The following PTPRK variants were observed in gnomAD, a reference collection of about 807,000 sequenced individuals.
PTPRK encodes protein tyrosine phosphatase receptor type K.
In PTPRK, 75 loss-of-function variants were observed where a neutral mutation model predicts 178.0. The ratio of observed to expected loss-of-function variants is 0.42; its 90% confidence interval spans 0.35 to 0.51. PTPRK has a LOEUF of 0.51. Ranked by LOEUF, PTPRK falls within the 20% of genes least tolerant of loss-of-function variation. The pLI, the probability that PTPRK is intolerant of heterozygous loss-of-function variation, is 0.02. For missense variants in PTPRK, 1,441 were observed against 1,797.8 expected (o/e 0.80, Z 3.59); for synonymous variants, 637 against 620.6 (o/e 1.03, Z -0.39).
chr6:128,140,338 A>G (rs1174852842), intron 7 of PTPRK, among the ~76,000 whole-genome samples: 1 of 152,042 alleles, frequency 6.6e-6, no homozygotes, highest in Non-Finnish European at 1.5e-5. Context: ...ATATATAAAC[A>G]TTAATTTTTT....
intron 7 of PTPRK, among the ~76,000 whole-genome samples, chr6:128,112,612 C>T (rs1489170359): frequency 6.6e-6 from 1 of 152,116 alleles, no homozygotes; most frequent in Non-Finnish European, 1.5e-5. Context: ...GAGCTCTTGA[C>T]AGGTTGTCTG....
rs143619718 is a variant in PTPRK, at chr6:127,972,140, C to T, written c.4269+882G>A. ...CTTCAGATTTTGTCTCAGGAAGCAA[C>T]GCAACTCTTGTGCGAGCAATCCATG... On this transcript the variant is annotated intron_variant, in intron 29 of 29. Transcript: ENST00000368226. Among the ~76,000 whole-genome samples the T allele has an allele frequency of 1.9e-3, 287 of 152,288 alleles. 3 individuals carry two copies. Among genetic ancestry groups the T allele is most frequent in the African/African-American group, 6.5e-3 (269 of 41,556 alleles).
At chr6:128,331,210 A>C (rs1830229874) in intron 2 of PTPRK, among the ~76,000 whole-genome samples, 1 of 152,186 alleles carries the variant, frequency 6.6e-6, no homozygotes, top group South Asian at 2.1e-4. Flanking sequence ...TTGAAGTTGG[A>C]TGTTTTATAA....
chr6:128,438,621 A>G (rs559126888), intron 1 of PTPRK, among the ~76,000 whole-genome samples: 100 of 152,328 alleles, frequency 6.6e-4, no homozygotes, highest in African/African-American at 2.4e-3. Flanking sequence ...TGCACCTCAG[A>G]TGCAATGGAG....
chr6:128,262,094 T>G (rs1056499696), intron 3 of PTPRK, among the ~76,000 whole-genome samples: 2 of 152,302 alleles, frequency 1.3e-5, no homozygotes. Flanking sequence ...GCTGTATGGC[T>G]TGGTATTACA....
chr6:128,483,954 A>C (rs1852452757), intron 1 of PTPRK, among the ~76,000 whole-genome samples: 1 of 152,084 alleles, frequency 6.6e-6, no homozygotes, highest in Non-Finnish European at 1.5e-5. Flanking sequence ...GGATGTCCTA[A>C]TAATTTCCAG....
chr6:128,504,970 T>C (rs1856104658), intron 1 of PTPRK, among the ~76,000 whole-genome samples: 2 of 152,252 alleles, frequency 1.3e-5, no homozygotes, highest in East Asian at 1.9e-4. Flanking sequence ...CAAGTATACA[T>C]CCCTGCTTTT....
At chr6:128,298,112 A>G (rs1246076513) in intron 3 of PTPRK, among the ~76,000 whole-genome samples, 1 of 152,206 alleles carries the variant, frequency 6.6e-6, no homozygotes, top group African/African-American at 2.4e-5. Flanking sequence ...CCTCTAAGCA[A>G]ATAAACTAGA....
intron 5 of PTPRK, among the ~76,000 whole-genome samples, chr6:128,231,609 G>A (rs969177875): frequency 2.0e-5 from 3 of 152,112 alleles, no homozygotes; most frequent in African/African-American, 7.2e-5. Flanking sequence ...GTTTAAGTTG[G>A]CGACAAGCTT....
chr6:128,442,617 C>G (rs1357907389), intron 1 of PTPRK, among the ~76,000 whole-genome samples: 1 of 152,184 alleles, frequency 6.6e-6, no homozygotes, highest in Non-Finnish European at 1.5e-5. Flanking sequence ...AAACACCTAT[C>G]TCATTTCTCC....
At chr6:128,179,113 T>C (rs1052415848) in intron 7 of PTPRK, among the ~76,000 whole-genome samples, 9 of 151,928 alleles carry the variant, frequency 5.9e-5, no homozygotes, top group African/African-American at 2.2e-4. Context: ...ATCATTAATG[T>C]TTACGAGGAG....
chr6:128,178,368 T>C (rs1345226492), intron 7 of PTPRK, among the ~76,000 whole-genome samples: 1 of 151,830 alleles, frequency 6.6e-6, no homozygotes, highest in Non-Finnish European at 1.5e-5. Flanking sequence ...GTGAAATAAT[T>C]AAACATCTCA....
Position 128,067,776 on chromosome 6 carries a change from C to T in PTPRK, c.1900G>A (p.Val634Met). The T allele has an allele frequency of 6.2e-7, 1 of 1,602,170 alleles. No individual in the cohort carries two copies. The highest frequency in any genetic ancestry group is 8.5e-7 in the Non-Finnish European group (1 of 1,173,334). ...GTTCGGTGTGGGTGCAGTTCTTCCACAACAATCTGATAAGCACTTTGGGGA... is the reference window on the plus strand; with the variant it reads ...GTTCGGTGTGGGTGCAGTTCTTCCATAACAATCTGATAAGCACTTTGGGGA... The part of the protein sequence containing the change: ...GAPISAYQIV[V>M]EELHPHRTKR... Residue 634 changes from valine (V) to methionine (M), a missense_variant, in exon 12 of 30, where the codon GTG becomes ATG. Transcript: ENST00000368226.
intron 5 of PTPRK, among the ~76,000 whole-genome samples, chr6:128,228,969 G>A (rs1181204398): frequency 6.6e-6 from 1 of 152,108 alleles, no homozygotes; most frequent in Non-Finnish European, 1.5e-5. Context: ...TTCATATACT[G>A]TGAAATTGAC....
chr6:128,321,719 G>A, intron 3 of PTPRK: 1 of 678,848 alleles, frequency 1.5e-6, no homozygotes, highest in Admixed American at 2.4e-5. Flanking sequence ...CTGTCAATAA[G>A]TAGCTCTTTG....
rs1041751243 is a variant in PTPRK, at chr6:127,992,610, C to A, written c.2881+63G>T. The A allele has an allele frequency of 3.6e-6, 5 of 1,386,982 alleles. No individual in the cohort carries two copies. In the African/African-American group the frequency reaches 7.4e-5, roughly 21 times the overall value. The allele number at this position is 1,386,982 out of a possible 1,614,324, so 85.9% of individuals were successfully genotyped here. On this transcript the variant is annotated intron_variant, in intron 19 of 29. Coordinates refer to ENST00000368226, the MANE Select transcript of PTPRK (RefSeq NM_002844.4). Reference sequence around the variant, plus strand: ...GATAAAATTTAAAAAATAATAAAAACCACCACATAGATGAATAAGCAAGTT... The same window carrying A: ...GATAAAATTTAAAAAATAATAAAAAACACCACATAGATGAATAAGCAAGTT...
chr6:128,082,705 A>G, intron 9 of PTPRK, 67 bp from the exon 10 acceptor site: 2 of 1,266,770 alleles, frequency 1.6e-6, no homozygotes, highest in Non-Finnish European at 2.2e-6. Flanking sequence ...TAAACTCTGT[A>G]TAAATAAGGT....
In PTPRK at chr6:128,500,022, T is replaced by C. The variant is rs146350026; in HGVS notation, c.100+20237A>G. Among the ~76,000 whole-genome samples the C allele has an allele frequency of 1.2e-4, 19 of 152,314 alleles. No homozygotes were observed. The East Asian group carries it at 2.5e-3, about 20-fold the overall frequency. On this transcript the variant is annotated intron_variant, in intron 1 of 29. Transcript: ENST00000368226. ...AATAATTTTTAAAGTTATGTCCCTA[T>C]AGGTTGGTGGACTCAAAACACTCAA...
At chr6:128,478,788 C>A (rs925123927) in intron 1 of PTPRK, among the ~76,000 whole-genome samples, 2 of 152,074 alleles carry the variant, frequency 1.3e-5, no homozygotes, top group Admixed American at 6.6e-5. Context: ...TGCTAATTTA[C>A]AGGCAAATAA....
Sources: allele counts gnomAD v4.1 joint callset (sites outside exome capture counted in the v4.1 genomes callset), GRCh38; gene constraint gnomAD v4.1.1; transcripts MANE v1.5; gene names NCBI Gene and HGNC (gene_info 2026-07-23, HGNC 2026-07-21).